SHANK2: variants seen among roughly 807,000 people sequenced by gnomAD.
SHANK2 encodes the protein SH3 and multiple ankyrin repeat domains protein 2.
SHANK2 carries 43 observed loss-of-function variants against 133.7 expected under a neutral mutation model. The observed-to-expected ratio is 0.32, with a 90% CI of 0.25 to 0.41. The LOEUF (loss-of-function observed/expected upper bound fraction) is 0.41, where lower values mean the gene tolerates loss of function less well. SHANK2 is among the 10% of genes least tolerant of loss of function. The pLI is 1.00. For synonymous variants in SHANK2, 1,017 were observed against 952.8 expected (o/e 1.07, Z -1.24); for missense variants, 1,994 against 2,235.8 (o/e 0.89, Z 2.18).
intron 17 of SHANK2, among the ~76,000 whole-genome samples, chr11:70,637,797 G>T (rs2061125204): frequency 6.6e-6 from 1 of 152,232 alleles, no homozygotes; most frequent in African/African-American, 2.4e-5. Flanking sequence ...ACTCTAGGCT[G>T]CCCAGGGGAA....
chr11:70,753,781 T>C (rs73529960), intron 14 of SHANK2, among the ~76,000 whole-genome samples: 4,839 of 147,412 alleles, frequency 0.033, 233 homozygotes, highest in African/African-American at 0.12. Flanking sequence ...AGGAAGGAGA[T>C]AAATTGTCTT....
At chr11:70,859,063 G>C (rs1169322873) in intron 11 of SHANK2, among the ~76,000 whole-genome samples, 1 of 152,156 alleles carries the variant, frequency 6.6e-6, no homozygotes, top group South Asian at 2.1e-4. Flanking sequence ...TGGATGGGTG[G>C]GTAGATGAAT....
At chr11:71,143,936 T>C (rs1555106243) in intron 3 of SHANK2, among the ~76,000 whole-genome samples, 1 of 150,586 alleles carries the variant, frequency 6.6e-6, no homozygotes, top group Non-Finnish European at 1.5e-5. Flanking sequence ...GCATCGACCA[T>C]CCATTCACCG....
intron 10 of SHANK2, chr11:70,942,865 T>C (rs1170752324): frequency 1.5e-5 from 7 of 456,598 alleles, no homozygotes; most frequent in Non-Finnish European, 3.1e-5. Flanking sequence ...GACAGGCCCT[T>C]TGCCTGTTCA....
intron 3 of SHANK2, among the ~76,000 whole-genome samples, chr11:71,123,888 G>A (rs188797181): frequency 6.6e-6 from 1 of 152,152 alleles, no homozygotes; most frequent in Admixed American, 6.5e-5. Context: ...TCCTATACCA[G>A]CACCAGGACA....
intron 1 of SHANK2, among the ~76,000 whole-genome samples, chr11:71,249,810 T>C (rs1948146201): frequency 6.6e-6 from 1 of 152,204 alleles, no homozygotes; most frequent in Admixed American, 6.5e-5. Context: ...TACTGGTTAA[T>C]TCCCGGCCCG....
intron 2 of SHANK2, among the ~76,000 whole-genome samples, chr11:71,185,542 G>A (rs782387362): frequency 1.6e-4 from 24 of 152,130 alleles, no homozygotes; most frequent in Admixed American, 4.6e-4. Context: ...CTCTAGCAGC[G>A]AGCCCAGGCT....
At chr11:70,853,871 TG>T (rs1488227099) in intron 11 of SHANK2, among the ~76,000 whole-genome samples, 13 of 152,208 alleles carry the variant, frequency 8.5e-5, no homozygotes, top group Admixed American at 5.2e-4. Flanking sequence ...CCTCTCTTGG[TG>T]TGCTTCAGTG....
chr11:71,142,521 CA>C lies in SHANK2; in HGVS notation c.207+4598del, dbSNP rs1241445418. On this transcript the variant is annotated intron_variant, in intron 3 of 25. Transcript: ENST00000601538. ...CTTTCAATAAAAACAAACAAACAAA[CA>C]AAAAAAAATGGCAAACAAGCAGAAA... Among the ~76,000 whole-genome samples, 250 of 148,894 alleles carry C rather than the reference CA, an allele frequency of 1.7e-3. 3 individuals carry two copies. In the East Asian group the frequency reaches 0.041, roughly 24 times the overall value.
intron 14 of SHANK2, among the ~76,000 whole-genome samples, chr11:70,788,286 T>C (rs1331087761): frequency 6.6e-6 from 1 of 152,200 alleles, no homozygotes; most frequent in Non-Finnish European, 1.5e-5. Context: ...CCCAAGTCAC[T>C]TGTGACTTCA....
At chr11:70,505,428 A>G (rs1351674326) in intron 17 of SHANK2, among the ~76,000 whole-genome samples, 2 of 151,848 alleles carry the variant, frequency 1.3e-5, no homozygotes, top group Non-Finnish European at 2.9e-5. Flanking sequence ...CGCGAGGCCA[A>G]TGTGTGAGGC....
intron 17 of SHANK2, among the ~76,000 whole-genome samples, chr11:70,651,290 G>A (rs1053697169): frequency 6.6e-6 from 1 of 152,086 alleles, no homozygotes; most frequent in African/African-American, 2.4e-5. Context: ...CAAAATGAAC[G>A]AGCCAAGACT....
At chr11:70,519,905 ATTTTTTTTT>A (rs781977357) in intron 17 of SHANK2, among the ~76,000 whole-genome samples, 2 of 121,476 alleles carry the variant, frequency 1.6e-5, no homozygotes, top group South Asian at 2.7e-4. Context: ...ACCATGCCTA[ATTTTTTTTT>A]TTTTTTTTTT....
intron 14 of SHANK2, among the ~76,000 whole-genome samples, chr11:70,754,883 T>G (rs1483487595): frequency 6.6e-6 from 1 of 152,048 alleles, no homozygotes; most frequent in Non-Finnish European, 1.5e-5. Context: ...ATATCTAGAT[T>G]TAACACGGCC....
intron 17 of SHANK2, among the ~76,000 whole-genome samples, chr11:70,589,429 G>GAA (rs1217595795): frequency 6.6e-6 from 1 of 152,114 alleles, no homozygotes; most frequent in Admixed American, 6.5e-5. Flanking sequence ...TTACTGCTCA[G>GAA]AAAAAAGAGA....
intron 10 of SHANK2, among the ~76,000 whole-genome samples, chr11:70,912,784 T>C (rs978248493): frequency 6.6e-6 from 1 of 152,198 alleles, no homozygotes; most frequent in African/African-American, 2.4e-5. Flanking sequence ...TTTGGGTATG[T>C]CTATCAGCAG....
chr11:71,077,030 G>A (rs1481960062), intron 8 of SHANK2, among the ~76,000 whole-genome samples: 3 of 152,142 alleles, frequency 2.0e-5, no homozygotes, highest in African/African-American at 4.8e-5. Flanking sequence ...GAGGAGACAG[G>A]AAGAGACATG....
intron 3 of SHANK2, among the ~76,000 whole-genome samples, chr11:71,134,027 A>G (rs58061852): frequency 0.13 from 18,858 of 147,466 alleles, 3,241 homozygotes; most frequent in African/African-American, 0.4. Flanking sequence ...GCACCACTGC[A>G]CCCGGCTACA....
At chr11:70,615,942 T>C (rs1554995793) in intron 17 of SHANK2, among the ~76,000 whole-genome samples, 1 of 152,148 alleles carries the variant, frequency 6.6e-6, no homozygotes, top group African/African-American at 2.4e-5. Flanking sequence ...CAGCATTTAC[T>C]GGGGCCACTC....
Sources: gnomAD v4.1 joint callset for allele counts (sites outside exome capture counted in the v4.1 genomes callset) on GRCh38, gnomAD v4.1.1 for gene constraint, MANE v1.5 for transcripts, NCBI Gene and HGNC (gene_info 2026-07-23, HGNC 2026-07-21) for gene names.